The following CUX1 variants were observed in gnomAD, a reference collection of about 807,000 sequenced individuals.
CUX1 encodes the protein cut like homeobox 1.
In CUX1, 31 loss-of-function variants were observed where a neutral mutation model predicts 158.8. The ratio of observed to expected loss-of-function variants is 0.20; its 90% confidence interval spans 0.15 to 0.26. The LOEUF is 0.26. CUX1 is among the 10% of genes least tolerant of loss of function. CUX1 has a pLI of 1.00. For missense variants in CUX1, 1,589 were observed against 2,014.6 expected (o/e 0.79, Z 4.04); for synonymous variants, 879 against 862.1 (o/e 1.02, Z -0.34).
intron 16 of CUX1, 34 bp from the exon 17 acceptor site, chr7:102,200,037 G>T: frequency 1.3e-6 from 2 of 1,571,106 alleles, no homozygotes; most frequent in South Asian, 2.3e-5. Flanking sequence ...CCGGGGTTTG[G>T]GTTTGATGTC....
intron 2 of CUX1, among the ~76,000 whole-genome samples, chr7:101,990,744 C>G (rs1322154676): frequency 1.3e-5 from 2 of 152,082 alleles, no homozygotes; most frequent in African/African-American, 4.8e-5. Context: ...GAGACAAGAC[C>G]AAAACATACA....
At chr7:101,935,546 C>T (rs574977386) in intron 2 of CUX1, among the ~76,000 whole-genome samples, 1 of 152,338 alleles carries the variant, frequency 6.6e-6, no homozygotes, top group Non-Finnish European at 1.5e-5. Context: ...CTGCACTTCT[C>T]CGGGCACTCC....
At chr7:102,195,658 G>A in intron 14 of CUX1, 55 bp downstream of exon 14, 1 of 1,485,128 alleles carries the variant, frequency 6.7e-7, no homozygotes, top group Admixed American at 2.0e-5. Context: ...CCAGGGGTCG[G>A]TCGAGGACGA....
chr7:102,271,610 G>C (rs569004769), intron 14 of CUX1, among the ~76,000 whole-genome samples: 1 of 152,108 alleles, frequency 6.6e-6, no homozygotes, highest in African/African-American at 2.4e-5. Context: ...CCCTGCCCCC[G>C]ACAGTCCTCC....
intron 1 of CUX1, among the ~76,000 whole-genome samples, chr7:101,828,864 G>T (rs988996405): frequency 2.0e-5 from 3 of 152,128 alleles, no homozygotes; most frequent in African/African-American, 4.8e-5. Flanking sequence ...GGTGGCTGAT[G>T]GGGGGTGGGC....
In CUX1 at chr7:102,205,184, T is replaced by G. The variant is rs782425911; in HGVS notation, c.3130+14T>G. The G allele has an allele frequency of 5.6e-6, 9 of 1,595,438 alleles. No individual in the cohort carries two copies. Among genetic ancestry groups the G allele is most frequent in the Non-Finnish European group, 7.7e-6 (9 of 1,164,094 alleles). ...GTGTGAGCTCAGGTAAGCAGCCAGTTTCTGTTGCTTTTGCATGAAATGTCT... is the reference window on the plus strand; with the variant it reads ...GTGTGAGCTCAGGTAAGCAGCCAGTGTCTGTTGCTTTTGCATGAAATGTCT... On this transcript the variant is annotated intron_variant, in intron 20 of 23. Transcript: ENST00000292535.
intron 12 of CUX1, 65 bp downstream of exon 12, chr7:102,189,936 G>A: frequency 6.4e-7 from 1 of 1,565,092 alleles, no homozygotes; most frequent in Non-Finnish European, 8.8e-7. Context: ...TGCTAACAAT[G>A]CCAGGCTGGT....
chr7:102,180,527 T>C (rs1433558551), intron 11 of CUX1, among the ~76,000 whole-genome samples: 1 of 151,948 alleles, frequency 6.6e-6, no homozygotes, highest in Non-Finnish European at 1.5e-5. Flanking sequence ...GATTTCACTG[T>C]GTTCCCCAGG....
Position 102,204,385 on chromosome 7 carries a change from C to T in CUX1, c.2908-6C>T, listed in dbSNP as rs547126745. 1.2e-6 allele frequency: 2 copies of T among 1,613,200 alleles called. No homozygotes were observed. The highest frequency in any genetic ancestry group is 1.7e-6 in the Non-Finnish European group (2 of 1,179,886). On this transcript the variant is annotated splice_region_variant and splice_polypyrimidine_tract_variant and intron_variant, in intron 18 of 23. Transcript: ENST00000292535. ...CTGATGGCCTGTGTGTTCGGTGCCA[C>T]TCCAGGTGCTGGGCCTGTCCCAGGG...
intron 1 of CUX1, among the ~76,000 whole-genome samples, chr7:101,872,428 C>G (rs1451260236): frequency 6.6e-6 from 1 of 152,100 alleles, no homozygotes; most frequent in Admixed American, 6.6e-5. Context: ...GCCACCGCGC[C>G]CGGCCCATAG....
rs1434961589 is a variant in CUX1 at position 102,099,128 on chromosome 7, A to C, written c.406+1627A>C. Among the ~76,000 whole-genome samples, 6 of 152,120 alleles carry C rather than the reference A, an allele frequency of 3.9e-5. No individual in the cohort carries two copies. The East Asian group carries it at 1.2e-3, about 29-fold the overall frequency. Reference sequence around the variant, plus strand: ...GCGGCGGTGCCTAAGACCTCCGAGCACACCTCCCTGTAGTGTGGGCATGGG... The same window carrying C: ...GCGGCGGTGCCTAAGACCTCCGAGCCCACCTCCCTGTAGTGTGGGCATGGG... On this transcript the variant is annotated intron_variant, in intron 5 of 23. Coordinates refer to ENST00000292535, the MANE Select transcript of CUX1 (RefSeq NM_181552.4).
chr7:101,872,211 G>A (rs1251221268), intron 1 of CUX1, among the ~76,000 whole-genome samples: 1 of 151,812 alleles, frequency 6.6e-6, no homozygotes, highest in African/African-American at 2.4e-5. Context: ...TTGGCTCACT[G>A]CAACCTCTGC....
Position 102,074,939 on chromosome 7 carries a change from A to C in CUX1, c.268+4522A>C, listed in dbSNP as rs151304643. On this transcript the variant is annotated intron_variant, in intron 4 of 23. Transcript: ENST00000292535. ...AATGGTGTGATCTCCGCACACTGCA[A>C]CCTCTGCCTTCTGGGTTCAAGCGAT... Among the ~76,000 whole-genome samples the C allele has an allele frequency of 7.9e-5, 12 of 152,184 alleles. No individual in the cohort carries two copies. The East Asian group carries it at 2.1e-3, about 27-fold the overall frequency.
At chr7:102,035,811 C>G (rs1049996052) in intron 3 of CUX1, among the ~76,000 whole-genome samples, 1 of 151,966 alleles carries the variant, frequency 6.6e-6, no homozygotes, top group Non-Finnish European at 1.5e-5. Flanking sequence ...ACTATTGAAG[C>G]GATCACTTTT....
At chr7:102,170,906 C>T (rs1007178513) in intron 10 of CUX1, among the ~76,000 whole-genome samples, 21 of 150,558 alleles carry the variant, frequency 1.4e-4, no homozygotes, top group African/African-American at 5.1e-4. Context: ...TCCAGAATGA[C>T]ACGGAGAAAT....
At chr7:101,976,123 C>A (rs901500654) in intron 2 of CUX1, among the ~76,000 whole-genome samples, 2 of 152,196 alleles carry the variant, frequency 1.3e-5, no homozygotes, top group Non-Finnish European at 2.9e-5. Flanking sequence ...CAGAGAGAGA[C>A]CCCATCTCTA....
chr7:101,903,017 A>G (rs1055790870), intron 1 of CUX1, among the ~76,000 whole-genome samples: 1 of 152,216 alleles, frequency 6.6e-6, no homozygotes, highest in African/African-American at 2.4e-5. Context: ...GCATGAAGTC[A>G]AGGGGCCTGT....
intron 4 of CUX1, among the ~76,000 whole-genome samples, chr7:102,080,931 G>A (rs1177854940): frequency 1.3e-5 from 2 of 152,252 alleles, no homozygotes; most frequent in South Asian, 2.1e-4. Context: ...CACTGCGCAC[G>A]CCAGATATGC....
chr7:102,277,219 G>A (rs1554547922), intron 17 of CUX1, among the ~76,000 whole-genome samples: 1 of 151,984 alleles, frequency 6.6e-6, no homozygotes, highest in Non-Finnish European at 1.5e-5. Flanking sequence ...GATCGCTTGA[G>A]TCGGGAGGCT....
Sources: gnomAD v4.1 joint callset for allele counts (sites outside exome capture counted in the v4.1 genomes callset) on GRCh38, gnomAD v4.1.1 for gene constraint, MANE v1.5 for transcripts, NCBI Gene and HGNC (gene_info 2026-07-23, HGNC 2026-07-21) for gene names.